ELF5: variants seen among roughly 807,000 people sequenced by gnomAD.
ELF5 encodes ETS-related transcription factor Elf-5.
ELF5 carries 31 observed loss-of-function variants against 38.2 expected under a neutral mutation model. The ratio of observed to expected loss-of-function variants is 0.81; its 90% CI spans 0.61 to 1.10. ELF5 has a LOEUF of 1.10. Among genes scored for constraint, ELF5 ranks in the 50% least tolerant of loss-of-function variants. ELF5 has a pLI of 0.00. For missense variants in ELF5, 300 were observed against 306.6 expected, an observed-to-expected ratio of 0.98 and a Z score of 0.16; for synonymous variants, 121 against 112.5, an observed-to-expected ratio of 1.08 and a Z score of -0.48.
intron 2 of ELF5, among the ~76,000 whole-genome samples, chr11:34,501,434 T>C (rs1850465342): frequency 6.6e-6 from 1 of 152,070 alleles, no homozygotes; most frequent in Non-Finnish European, 1.5e-5. Flanking sequence ...TGTTGGTCTG[T>C]GGAGGTTAAG....
intron 4 of ELF5, among the ~76,000 whole-genome samples, chr11:34,486,557 C>G (rs954666049): frequency 2.0e-5 from 3 of 152,144 alleles, no homozygotes; most frequent in Admixed American, 6.5e-5. Flanking sequence ...AACATGTGTG[C>G]CTATGTGAAT....
At chr11:34,505,003 A>C (rs1365235187) in intron 2 of ELF5, among the ~76,000 whole-genome samples, 5 of 152,164 alleles carry the variant, frequency 3.3e-5, no homozygotes, top group African/African-American at 1.2e-4. Context: ...TTTAGGGAAA[A>C]AGAAATAGAA....
chr11:34,496,813 C>T (rs1590334098), intron 2 of ELF5, among the ~76,000 whole-genome samples: 1 of 152,102 alleles, frequency 6.6e-6, no homozygotes, highest in South Asian at 2.1e-4. Context: ...ATTGCCGTTC[C>T]GGGGACTGAC....
At chr11:34,508,504 C>CA (rs1428877772) in intron 1 of ELF5, among the ~76,000 whole-genome samples, 1 of 146,276 alleles carries the variant, frequency 6.8e-6, no homozygotes, top group African/African-American at 2.5e-5. Context: ...CTATGTCTCA[C>CA]AAAAAAATAA....
intron 4 of ELF5, among the ~76,000 whole-genome samples, chr11:34,487,531 T>C (rs1230185322): frequency 3.3e-5 from 5 of 152,176 alleles, no homozygotes; most frequent in Admixed American, 2.0e-4. Flanking sequence ...GATGTTAAAA[T>C]GTAAATGTGA....
rs780452653 is a variant in ELF5 at position 34,505,654 on chromosome 11, G to T, written c.96C>A (p.Tyr32Ter). 1 of 1,614,026 alleles carries T rather than the reference G, an allele frequency of 6.2e-7. No individual in the cohort carries two copies. The highest frequency in any genetic ancestry group is 1.1e-5 in the South Asian group (1 of 91,064). ...SWTDLFSNEE[Y>*]YPAFEHQTAC... ...CTGTCTGATGCTCAAAGGCAGGGTA[G>T]TACTCTTCATTGCTGAACAGATCAG... Residue 32 changes from tyrosine (Y) to a stop codon, truncating the protein, a stop_gained, in exon 2 of 7, where the codon TAC becomes TAA. Transcript: ENST00000257832. LOFTEE classifies it high-confidence loss of function.
intron 5 of ELF5, among the ~76,000 whole-genome samples, chr11:34,481,512 T>A (rs912561164): frequency 6.6e-6 from 1 of 152,204 alleles, no homozygotes; most frequent in African/African-American, 2.4e-5. Context: ...TTTACATGAC[T>A]GGCAACACTG....
intron 4 of ELF5, among the ~76,000 whole-genome samples, chr11:34,486,484 T>G (rs1385596566): frequency 6.6e-6 from 1 of 152,042 alleles, no homozygotes; most frequent in Non-Finnish European, 1.5e-5. Flanking sequence ...GCCCAGAACT[T>G]GAGGAGTTTC....
intron 3 of ELF5, among the ~76,000 whole-genome samples, chr11:34,491,054 C>T (rs1054483416): frequency 6.6e-6 from 1 of 152,158 alleles, no homozygotes; most frequent in African/African-American, 2.4e-5. Context: ...CCCCTTCCAG[C>T]TCCTCTCCTC....
At position 34,479,471 on chromosome 11, in the gene ELF5, A is replaced by G. The variant is rs1856874810; in HGVS notation, c.*747T>C. ...TCTGTGGAAGTTTTGCTGAGTGGTC[A>G]AAAAGATGCTCTGGTTAGGAAACTT... On this transcript the variant is annotated 3_prime_UTR_variant, in exon 7 of 7. Coordinates refer to ENST00000257832, the MANE Select transcript of ELF5 (RefSeq NM_001422.4). The G allele has an allele frequency of 6.6e-6, 1 of 152,356 alleles. No individual in the cohort carries two copies. The highest frequency in any genetic ancestry group is 3.4e-3 in the Middle Eastern group (1 of 294). The allele number at this position is 152,356 out of a possible 1,614,324, so 9.4% of individuals were successfully genotyped here.
intron 4 of ELF5, among the ~76,000 whole-genome samples, chr11:34,485,058 C>T (rs532188485): frequency 2.6e-4 from 40 of 152,270 alleles, no homozygotes; most frequent in African/African-American, 7.0e-4. Flanking sequence ...CTGATATTTA[C>T]GGAGCACTTA....
At chr11:34,499,332 C>G (rs529658063) in intron 2 of ELF5, among the ~76,000 whole-genome samples, 6 of 152,278 alleles carry the variant, frequency 3.9e-5, no homozygotes, top group Admixed American at 2.0e-4. Flanking sequence ...GGCTCACCCT[C>G]CTGGGCTCAA....
chr11:34,511,134 C>T (rs914711947), intron 1 of ELF5, among the ~76,000 whole-genome samples: 1 of 152,226 alleles, frequency 6.6e-6, no homozygotes, highest in African/African-American at 2.4e-5. Context: ...AACCTGGGCA[C>T]TCACACACAT....
At chr11:34,482,346 T>C (rs1201694443) in intron 5 of ELF5, 85 bp downstream of exon 5, 1 of 1,295,736 alleles carries the variant, frequency 7.7e-7, no homozygotes, top group Admixed American at 1.9e-5. Flanking sequence ...CTCAAACATT[T>C]AGTTTCAAAG....
rs142271255 is a variant in ELF5 at position 34,493,566 on chromosome 11, A to C, written c.268T>G (p.Cys90Gly). The C allele has an allele frequency of 9.7e-5, 156 of 1,614,118 alleles. No individual in the cohort carries two copies. Among genetic ancestry groups the C allele is most frequent in the Middle Eastern group, 1.6e-4 (1 of 6,084 alleles). The part of the protein sequence containing the change: ...CNFNISGLQL[C>G]SMTQEEFVEA... The stretch of plus-strand genomic sequence containing the variant: ...ACGAACTCCTCCTGTGTCATGCTGC[A>C]CAGCTGCAGGCCACTGATGTTGAAG... The change falls in exon 3 of 7, where the codon TGC (cysteine) becomes GGC (glycine). Residue 90 changes from cysteine (C) to glycine (G), a missense_variant. Coordinates refer to ENST00000257832, the MANE Select transcript of ELF5 (RefSeq NM_001422.4).
intron 3 of ELF5, chr11:34,492,759 T>G: frequency 6.5e-6 from 1 of 153,030 alleles, no homozygotes; most frequent in Non-Finnish European, 1.5e-5. Context: ...TAGCTCGGAG[T>G]ATTGGAGCCA....
intron 3 of ELF5, chr11:34,493,109 AT>A (rs1375747868): frequency 2.3e-5 from 9 of 398,952 alleles, no homozygotes; most frequent in Non-Finnish European, 3.6e-5. Context: ...AGTCTATTTA[AT>A]TTTATTCCTC....
At chr11:34,481,079 A>G (rs1856932268) in intron 5 of ELF5, 112 bp from the exon 6 acceptor site, 2 of 869,152 alleles carry the variant, frequency 2.3e-6, no homozygotes, top group Non-Finnish European at 3.2e-6. Flanking sequence ...CTGGAGAGCA[A>G]TGGTGCGATC....
At chr11:34,499,620 A>T (rs566327431) in intron 2 of ELF5, among the ~76,000 whole-genome samples, 16 of 152,364 alleles carry the variant, frequency 1.1e-4, no homozygotes, top group Admixed American at 1.0e-3. Context: ...TTGAGCTTAG[A>T]GCTTTCAGTT....
Sources: allele counts gnomAD v4.1 joint callset (sites outside exome capture counted in the v4.1 genomes callset), GRCh38; gene constraint gnomAD v4.1.1; transcripts MANE v1.5; gene names NCBI Gene and HGNC (gene_info 2026-07-23, HGNC 2026-07-21).